ZNF532: variants seen among roughly 807,000 people sequenced by gnomAD.
The protein encoded by ZNF532 is zinc finger protein 532.
A neutral mutation model predicts 89.3 loss-of-function variants in ZNF532; 22 were observed. The ratio of observed to expected loss-of-function variants is 0.25; its 90% CI spans 0.18 to 0.35. The LOEUF is 0.35. Ranked by LOEUF, ZNF532 falls within the 10% of genes least tolerant of loss-of-function variation. The probability of loss-of-function intolerance (pLI) is 1.00; values close to 1 mark genes in which losing one functional copy is unlikely to be tolerated. For synonymous variants in ZNF532, 606 were observed against 649.6 expected, an observed-to-expected ratio of 0.93 and a Z score of 1.02; for missense variants, 1,132 against 1,643.4, an observed-to-expected ratio of 0.69 and a Z score of 5.38.
chr18:58,969,055 C>T (rs2066203968), intron 7 of ZNF532, among the ~76,000 whole-genome samples: 1 of 152,174 alleles, frequency 6.6e-6, no homozygotes, highest in Non-Finnish European at 1.5e-5. Flanking sequence ...AGATAGACAG[C>T]ACCAGAAGGT....
intron 7 of ZNF532, among the ~76,000 whole-genome samples, chr18:58,976,547 A>AT (rs5825310): frequency 0.35 from 52,916 of 150,480 alleles, 9,626 homozygotes; most frequent in Middle Eastern, 0.57. Flanking sequence ...CTTTCAGTTG[A>AT]TTTTTTTTTT....
chr18:58,902,003 TTCTC>T (rs915533296), intron 2 of ZNF532, among the ~76,000 whole-genome samples: 2 of 152,190 alleles, frequency 1.3e-5, no homozygotes, highest in Non-Finnish European at 2.9e-5. Context: ...CCTCTTTGTC[TTCTC>T]TCTAACAGCG....
intron 4 of ZNF532, 73 bp downstream of exon 4, chr18:58,934,687 C>A (rs547406416): frequency 1.4e-6 from 2 of 1,458,344 alleles, no homozygotes; most frequent in East Asian, 2.3e-5. Context: ...GAGTGGTTTG[C>A]ACACACAGTT....
chr18:58,949,188 C>T (rs766036331), intron 6 of ZNF532, among the ~76,000 whole-genome samples: 2 of 152,116 alleles, frequency 1.3e-5, no homozygotes, highest in African/African-American at 4.8e-5. Context: ...GCACAGAAAT[C>T]TATTTATAGC....
intron 3 of ZNF532, among the ~76,000 whole-genome samples, chr18:58,929,251 C>G (rs1480324892): frequency 6.6e-6 from 1 of 152,176 alleles, no homozygotes; most frequent in Non-Finnish European, 1.5e-5. Flanking sequence ...TCCGAGTCAC[C>G]TTCAAGAGTG....
chr18:58,888,891 TTATATATATA>T (rs71173096), intron 2 of ZNF532, among the ~76,000 whole-genome samples: 2 of 37,266 alleles, frequency 5.4e-5, no homozygotes, highest in African/African-American at 1.3e-4. Context: ...TATATATATT[TTATATATATA>T]TATATATATA....
intron 8 of ZNF532, 163 bp from the exon 9 acceptor site, chr18:58,981,307 C>CAA: frequency 1.2e-6 from 1 of 849,522 alleles, no homozygotes; most frequent in Non-Finnish European, 1.9e-6. Context: ...TTAAGGGCCA[C>CAA]TCCTAGCAAA....
rs2060782882 is a variant in ZNF532, at chr18:58,918,634, C to T, written c.347C>T (p.Ala116Val). 2 of 1,614,156 alleles carry T rather than the reference C, an allele frequency of 1.2e-6. No individual in the cohort carries two copies. The highest frequency in any genetic ancestry group is 1.7e-6 in the Non-Finnish European group (2 of 1,180,030). Residue 116 changes from alanine to valine, a missense_variant, in exon 3 of 10, where the codon GCC becomes GTC. Physicochemically the swap from Ala to Val is moderately conservative, Grantham distance 64 (BLOSUM62 0). Around this residue, in one of 9 missense-constraint regions of ZNF532, gnomAD observed 302 missense variants for 319.8 expected, o/e 0.94. Coordinates refer to ENST00000591808, the MANE Select transcript of ZNF532 (RefSeq NM_001375912.1). The stretch of plus-strand genomic sequence containing the variant: ...AAGTCCTTGAAAGGAGATGTGCCTG[C>T]CTCTGAGGTGACACTGAAAGACTCG... ...GAKSLKGDVP[A>V]SEVTLKDSTF...
chr18:58,881,014 A>G (rs929153768), intron 2 of ZNF532, among the ~76,000 whole-genome samples: 1 of 152,184 alleles, frequency 6.6e-6, no homozygotes, highest in Non-Finnish European at 1.5e-5. Context: ...AAATTGAGCT[A>G]TAACATATTT....
At chr18:58,922,287 T>C (rs960297452) in intron 3 of ZNF532, among the ~76,000 whole-genome samples, 1 of 152,254 alleles carries the variant, frequency 6.6e-6, no homozygotes, top group Admixed American at 6.5e-5. Context: ...AGTTTGGTGC[T>C]ATCTTGGTGA....
intron 9 of ZNF532, among the ~76,000 whole-genome samples, chr18:58,981,843 A>AAATATAAAAAATT (rs1179686170): frequency 2.6e-5 from 4 of 151,930 alleles, no homozygotes; most frequent in Non-Finnish European, 5.9e-5. Context: ...TCTCTACTAA[A>AAATATAAAAAATT]AATATAAAAA....
At chr18:58,916,913 G>A (rs1181859114) in intron 2 of ZNF532, among the ~76,000 whole-genome samples, 3 of 152,194 alleles carry the variant, frequency 2.0e-5, no homozygotes, top group African/African-American at 7.2e-5. Flanking sequence ...TCAGTAAGAT[G>A]TGGAAGGAGG....
Position 58,934,600 on chromosome 18 carries a change from G to T in ZNF532, c.2514G>T (p.Arg838Ser). Residue 838 changes from arginine (R) to serine (S), a missense_variant, in exon 4 of 10, where the codon AGG (arginine) becomes AGT (serine). This residue lies in a region of ZNF532 where 415 missense variants were observed against 604.8 expected (regional missense o/e 0.69). Coordinates refer to ENST00000591808, the MANE Select transcript of ZNF532 (RefSeq NM_001375912.1). ...HVTKNCLHYTRRVGFRCVHCN... is the reference protein window; with the variant it reads ...HVTKNCLHYTSRVGFRCVHCN... The stretch of plus-strand genomic sequence containing the variant: ...CCAAGAACTGTCTGCACTACACGAG[G>T]AGAGTTGGTTTTCGGTCAGTATATC... 6.2e-7 allele frequency: 1 copy of T among 1,613,698 alleles called. No homozygotes were observed. Among genetic ancestry groups the T allele is most frequent in the Non-Finnish European group, 8.5e-7 (1 of 1,179,844 alleles).
intron 2 of ZNF532, 96 bp from the exon 3 acceptor site, chr18:58,918,175 T>C: frequency 8.7e-7 from 1 of 1,156,032 alleles, no homozygotes; most frequent in Non-Finnish European, 1.2e-6. Flanking sequence ...TGCTCTTTCT[T>C]AGTAATCGTT....
chr18:58,969,296 C>T (rs1209578533), intron 7 of ZNF532, among the ~76,000 whole-genome samples: 1 of 152,178 alleles, frequency 6.6e-6, no homozygotes, highest in Non-Finnish European at 1.5e-5. Flanking sequence ...TCTGTCCAGT[C>T]TGCCAAATCC....
chr18:58,942,037 G>GC lies in ZNF532; in HGVS notation c.2705+2424dup, dbSNP rs1256053921. 4.4e-4 allele frequency among the ~76,000 whole-genome samples: 32 copies of GC among 73,386 alleles called. 1 individual carries two copies. The highest frequency in any genetic ancestry group is 1.5e-3 in the Admixed American group (8 of 5,438). 48.1% of individuals were successfully genotyped at this position (73,386 alleles called of 152,430 possible). A position where few individuals can be genotyped will look rare whatever the true frequency, so the allele number is the denominator to read the frequency against. ...TTTTCTTTTCTTTTTTTCTACCCCCGCCCCCCCCTCAGTCTCGCTGTGTCG... is the reference window on the plus strand; with the variant it reads ...TTTTCTTTTCTTTTTTTCTACCCCCGCCCCCCCCCTCAGTCTCGCTGTGTCG... On this transcript the variant is annotated intron_variant, in intron 5 of 9. Coordinates refer to ENST00000591808, the MANE Select transcript of ZNF532 (RefSeq NM_001375912.1).
intron 3 of ZNF532, among the ~76,000 whole-genome samples, chr18:58,925,803 G>A (rs556191791): frequency 6.6e-6 from 1 of 152,150 alleles, no homozygotes; most frequent in Non-Finnish European, 1.5e-5. Flanking sequence ...GATTTAGGTG[G>A]AGGGTCATTT....
At chr18:58,955,126 TCATGC>T (rs1281674039) in intron 7 of ZNF532, among the ~76,000 whole-genome samples, 1 of 152,174 alleles carries the variant, frequency 6.6e-6, no homozygotes, top group Non-Finnish European at 1.5e-5. Flanking sequence ...GCATGGTGGC[TCATGC>T]CTATAATCCC....
At chr18:58,874,178 A>G (rs996870542) in intron 2 of ZNF532, among the ~76,000 whole-genome samples, 2 of 151,988 alleles carry the variant, frequency 1.3e-5, no homozygotes, top group African/African-American at 4.8e-5. Context: ...ATGAAAACAG[A>G]CTGTGTGTCT....
Sources: gnomAD v4.1 joint callset for allele counts (sites outside exome capture counted in the v4.1 genomes callset) on GRCh38, gnomAD v4.1.1 for gene constraint, gnomAD v4.1.1 regional missense constraint, MANE v1.5 for transcripts, NCBI Gene and HGNC (gene_info 2026-07-23, HGNC 2026-07-21) for gene names.